HDAC9: variants seen among roughly 807,000 people sequenced by gnomAD.
HDAC9 encodes histone deacetylase 9.
A neutral mutation model predicts 139.4 loss-of-function variants in HDAC9; 41 were observed. That is an observed-to-expected ratio of 0.29 (90% CI 0.23 to 0.38). HDAC9 has a LOEUF of 0.38. Ranked by LOEUF, HDAC9 falls within the 10% of genes least tolerant of loss-of-function variation. HDAC9 has a pLI of 1.00. For missense variants in HDAC9, 1,147 were observed against 1,297.0 expected, an observed-to-expected ratio of 0.88 and a Z score of 1.78; for synonymous variants, 517 against 476.2, an observed-to-expected ratio of 1.09 and a Z score of -1.12.
chr7:18,280,677 A>C (rs1281398052), intron 2 of HDAC9, among the ~76,000 whole-genome samples: 1 of 151,832 alleles, frequency 6.6e-6, no homozygotes, highest in Non-Finnish European at 1.5e-5. Flanking sequence ...ACAGGAGGAT[A>C]GCCTGAGCCC....
intron 2 of HDAC9, among the ~76,000 whole-genome samples, chr7:18,514,158 G>GTGTATATGCGTTGTATA (rs1802450915): frequency 1.3e-5 from 2 of 152,270 alleles, no homozygotes; most frequent in African/African-American, 4.8e-5. Context: ...TGCGTTGTAT[G>GTGTATATGCGTTGTATA]TGTATATGCA....
intron 22 of HDAC9, among the ~76,000 whole-genome samples, chr7:18,885,483 C>T (rs187880295): frequency 2.9e-4 from 44 of 152,256 alleles, no homozygotes; most frequent in African/African-American, 9.6e-4. Flanking sequence ...AAGATGTTCT[C>T]ATCCCTCTGA....
intron 24 of HDAC9, among the ~76,000 whole-genome samples, chr7:18,956,397 AATC>A (rs1193053718): frequency 6.6e-6 from 1 of 152,168 alleles, no homozygotes; most frequent in Non-Finnish European, 1.5e-5. Context: ...ATTAGAGGAT[AATC>A]ATCAGGAGGA....
intron 1 of HDAC9, among the ~76,000 whole-genome samples, chr7:18,380,551 A>G (rs1489749025): frequency 6.6e-6 from 1 of 152,222 alleles, no homozygotes; most frequent in Admixed American, 6.5e-5. Flanking sequence ...AGGATGCAGC[A>G]ATTGACTGTA....
intron 17 of HDAC9, among the ~76,000 whole-genome samples, chr7:18,817,232 C>T (rs145989779): frequency 0.026 from 3,920 of 152,126 alleles, 172 homozygotes; most frequent in African/African-American, 0.09. Flanking sequence ...AGACGGGTTT[C>T]ACCGTGTTAG....
chr7:18,422,686 GA>G (rs1282412303), intron 1 of HDAC9, among the ~76,000 whole-genome samples: 1 of 151,754 alleles, frequency 6.6e-6, no homozygotes, highest in African/African-American at 2.4e-5. Context: ...GACTTGGAGA[GA>G]AAAAGTAGCA....
At position 18,762,285 on chromosome 7, in the gene HDAC9, C is replaced by T. The variant is rs755508334; in HGVS notation, c.2164+8C>T. 27 of 1,612,850 alleles carry T rather than the reference C, an allele frequency of 1.7e-5. No homozygotes were observed. The highest frequency in any genetic ancestry group is 1.1e-4 in the South Asian group (10 of 91,000). The stretch of plus-strand genomic sequence containing the variant: ...ACCCCAGGATACTCCTAGGTCTGTA[C>T]GGGCCTCCACTGTACTGGGAACAGC... On this transcript the variant is annotated splice_region_variant and intron_variant, in intron 15 of 25. Transcript: ENST00000686413.
chr7:18,789,885 G>A (rs778464402), intron 16 of HDAC9, among the ~76,000 whole-genome samples: 13 of 152,102 alleles, frequency 8.5e-5, no homozygotes, highest in Non-Finnish European at 1.9e-4. Context: ...GTTGAAATCA[G>A]AGCTCTCTTA....
At chr7:18,139,507 T>G (rs1785727574) in intron 1 of HDAC9, among the ~76,000 whole-genome samples, 1 of 152,128 alleles carries the variant, frequency 6.6e-6, no homozygotes, top group South Asian at 2.1e-4. Context: ...ACACACTACG[T>G]TTGCTATTCC....
At chr7:18,177,164 G>A (rs898316552) in intron 2 of HDAC9, among the ~76,000 whole-genome samples, 1 of 152,038 alleles carries the variant, frequency 6.6e-6, no homozygotes, top group African/African-American at 2.4e-5. Context: ...AAAAGATTTG[G>A]GGTCTATATA....
Position 18,793,334 on chromosome 7 carries a change from T to C in HDAC9, c.2215-11T>C. On this transcript the variant is annotated splice_polypyrimidine_tract_variant and intron_variant, in intron 16 of 25. Transcript: ENST00000686413. The stretch of plus-strand genomic sequence containing the variant: ...TCTTCTGTCTTCGGACTCTGCTGAC[T>C]GTTTGCTCAGGTGGACAGTGACACC... The C allele has an allele frequency of 6.5e-7, 1 of 1,547,932 alleles. No homozygotes were observed. The highest frequency in any genetic ancestry group is 8.8e-7 in the Non-Finnish European group (1 of 1,139,160).
At chr7:18,738,179 A>T (rs1787104229) in intron 13 of HDAC9, among the ~76,000 whole-genome samples, 2 of 152,190 alleles carry the variant, frequency 1.3e-5, no homozygotes, top group Non-Finnish European at 2.9e-5. Flanking sequence ...GGTCTCCTGA[A>T]TACAGCACAC....
intron 2 of HDAC9, among the ~76,000 whole-genome samples, chr7:18,503,203 G>T (rs1798854053): frequency 6.6e-6 from 1 of 152,146 alleles, no homozygotes; most frequent in African/African-American, 2.4e-5. Flanking sequence ...CTGTGCCATG[G>T]TCCCCCCTGT....
At chr7:18,691,934 A>G (rs1171751740) in intron 12 of HDAC9, among the ~76,000 whole-genome samples, 1 of 151,988 alleles carries the variant, frequency 6.6e-6, no homozygotes, top group Non-Finnish European at 1.5e-5. Flanking sequence ...ACACAACATA[A>G]AGAAAAGAGG....
rs750129262 is a variant in HDAC9, at chr7:18,732,538, G to A, written c.1909+4781G>A. 6.7e-4 allele frequency among the ~76,000 whole-genome samples: 43 copies of A among 64,540 alleles called. 2 individuals are homozygous for A. Among genetic ancestry groups the A allele is most frequent in the Admixed American group, 1.4e-3 (7 of 5,080 alleles). The allele number at this position is 64,540 out of a possible 152,430, so 42.3% of individuals were successfully genotyped here. On this transcript the variant is annotated intron_variant, in intron 13 of 25. Coordinates refer to ENST00000686413, the MANE Select transcript of HDAC9 (RefSeq NM_178425.4). Reference sequence around the variant, plus strand: ...ATACACTGTATGTATGTGTATATATGTGTATATAATGTATATACACACGTG... The same window carrying A: ...ATACACTGTATGTATGTGTATATATATGTATATAATGTATATACACACGTG...
chr7:18,278,900 A>G (rs73305226), intron 2 of HDAC9, among the ~76,000 whole-genome samples: 2,346 of 152,300 alleles, frequency 0.015, 69 homozygotes, highest in African/African-American at 0.053. Context: ...ACATTCTATA[A>G]CAAGAGTTTT....
At chr7:18,737,782 G>T (rs1190257052) in intron 13 of HDAC9, among the ~76,000 whole-genome samples, 4 of 152,162 alleles carry the variant, frequency 2.6e-5, no homozygotes, top group African/African-American at 9.7e-5. Context: ...GGTCCGCTTG[G>T]TGCAGAGCTG....
intron 24 of HDAC9, among the ~76,000 whole-genome samples, chr7:18,958,489 G>A (rs185007923): frequency 6.6e-6 from 1 of 152,234 alleles, no homozygotes; most frequent in Non-Finnish European, 1.5e-5. Context: ...GGATGAGTGG[G>A]CAAAGAAAAT....
At chr7:18,368,779 TA>T (rs1554394331) in intron 1 of HDAC9, among the ~76,000 whole-genome samples, 13 of 86,520 alleles carry the variant, frequency 1.5e-4, no homozygotes, top group Admixed American at 4.6e-4. Context: ...CAGAAATTCC[TA>T]CCTAAGTAGT....
Sources: gnomAD v4.1 joint callset for allele counts (sites outside exome capture counted in the v4.1 genomes callset) on GRCh38, gnomAD v4.1.1 for gene constraint, MANE v1.5 for transcripts, NCBI Gene and HGNC (gene_info 2026-07-23, HGNC 2026-07-21) for gene names.